Variants in TRAPPC9 observed in about 807,000 individuals in gnomAD.
TRAPPC9 encodes the protein IKK2 binding protein.
A neutral mutation model predicts 124.0 loss-of-function variants in TRAPPC9; 83 were observed. The ratio of observed to expected loss-of-function variants is 0.67; its 90% CI spans 0.56 to 0.80. TRAPPC9 has a LOEUF of 0.80. Among genes scored for constraint, TRAPPC9 ranks in the 30% least tolerant of loss-of-function variants. The pLI is 0.00. For synonymous variants in TRAPPC9, 638 were observed against 617.5 expected, an observed-to-expected ratio of 1.03 and a Z score of -0.49; for missense variants, 1,302 against 1,508.3, an observed-to-expected ratio of 0.86 and a Z score of 2.27.
chr8:140,050,137 A>C (rs892117615), intron 17 of TRAPPC9, among the ~76,000 whole-genome samples: 2 of 152,198 alleles, frequency 1.3e-5, no homozygotes, highest in South Asian at 2.1e-4. Context: ...GTCAGCCATG[A>C]GCTAGCGAGA....
intron 9 of TRAPPC9, among the ~76,000 whole-genome samples, chr8:140,330,410 G>T (rs2066865948): frequency 6.6e-6 from 1 of 152,148 alleles, no homozygotes; most frequent in Non-Finnish European, 1.5e-5. Flanking sequence ...AACAGAGTGT[G>T]GATTAACTTA....
chr8:140,318,629 T>C (rs542188010), intron 9 of TRAPPC9, among the ~76,000 whole-genome samples: 30 of 152,266 alleles, frequency 2.0e-4, no homozygotes, highest in Non-Finnish European at 3.8e-4. Context: ...ATACAGTATT[T>C]GTCTTTCTGT....
chr8:140,060,615 T>A (rs547458002), intron 17 of TRAPPC9, among the ~76,000 whole-genome samples: 151 of 128,528 alleles, frequency 1.2e-3, no homozygotes, highest in African/African-American at 3.8e-3. Context: ...TACCTGTTCC[T>A]ACCCATCCCT....
intron 5 of TRAPPC9, among the ~76,000 whole-genome samples, chr8:140,412,170 C>T (rs1254104767): frequency 1.3e-5 from 2 of 152,182 alleles, no homozygotes; most frequent in East Asian, 3.8e-4. Flanking sequence ...ACAAATGAAC[C>T]TCATGTGCCT....
intron 9 of TRAPPC9, among the ~76,000 whole-genome samples, chr8:140,321,606 A>G (rs2066597224): frequency 6.6e-6 from 1 of 152,164 alleles, no homozygotes; most frequent in East Asian, 1.9e-4. Context: ...CTGGCAGAGG[A>G]GCAAGAGAAG....
Position 140,221,524 on chromosome 8 carries a change from G to A in TRAPPC9, c.2491C>T (p.Arg831Ter), listed in dbSNP as rs373701249. The A allele has an allele frequency of 8.1e-6, 13 of 1,614,106 alleles. No homozygotes were observed. The Admixed American group carries it at 8.3e-5, about 10-fold the overall frequency. ...GGGTTCACAGGTTTGCCCTCCACTC[G>A]GGGCCGAACGACCTGCCGAAAAGGA... is the stretch of plus-strand genomic sequence containing the variant. ...SSPFRQVVRPRVEGKPVNPPE... is the reference protein window; with the variant it reads ...SSPFRQVVRP The change falls in exon 17 of 23, where the codon CGA becomes TGA. Residue 831 changes from arginine (R) to a stop codon, truncating the protein, a stop_gained. Coordinates refer to ENST00000438773, the MANE Select transcript of TRAPPC9 (RefSeq NM_001160372.4). LOFTEE classifies it high-confidence loss of function.
At chr8:140,108,962 T>C (rs2060715861) in intron 17 of TRAPPC9, among the ~76,000 whole-genome samples, 1 of 152,208 alleles carries the variant, frequency 6.6e-6, no homozygotes, top group African/African-American at 2.4e-5. Flanking sequence ...CCTTTTTACT[T>C]ACTGAAAAAC....
intron 21 of TRAPPC9, among the ~76,000 whole-genome samples, chr8:139,756,518 G>A (rs1395324232): frequency 5.0e-5 from 7 of 140,672 alleles, no homozygotes; most frequent in African/African-American, 8.2e-5. Context: ...GTTTGGGGAT[G>A]AGGACAGCAG....
intron 21 of TRAPPC9, among the ~76,000 whole-genome samples, chr8:139,785,382 G>A (rs1488199236): frequency 1.3e-5 from 2 of 152,156 alleles, no homozygotes; most frequent in Non-Finnish European, 2.9e-5. Flanking sequence ...TCTTAGATAC[G>A]ACACCAAAAG....
intron 17 of TRAPPC9, among the ~76,000 whole-genome samples, chr8:140,159,661 G>A (rs1351529721): frequency 6.6e-6 from 1 of 152,132 alleles, no homozygotes; most frequent in Non-Finnish European, 1.5e-5. Context: ...AAAGAAAATC[G>A]AGCATTACAT....
At chr8:139,746,264 G>A (rs78271980) in intron 21 of TRAPPC9, among the ~76,000 whole-genome samples, 3,331 of 152,300 alleles carry the variant, frequency 0.022, 122 homozygotes, top group African/African-American at 0.074. Context: ...GGAAGCCATC[G>A]CGTTTCCTCC....
chr8:140,127,121 T>G (rs1199542054), intron 17 of TRAPPC9, among the ~76,000 whole-genome samples: 1 of 152,110 alleles, frequency 6.6e-6, no homozygotes, highest in East Asian at 1.9e-4. Context: ...CTCTGGAAAT[T>G]AAGATGGTCA....
chr8:140,158,192 A>G (rs10112814), intron 17 of TRAPPC9, among the ~76,000 whole-genome samples: 8,291 of 152,252 alleles, frequency 0.054, 371 homozygotes, highest in African/African-American at 0.12. Context: ...CTCAAATATA[A>G]CCACATCCCA....
rs139112552 is a variant in TRAPPC9, at chr8:140,154,842, G to A, written c.2556+66617C>T. Among the ~76,000 whole-genome samples the A allele has an allele frequency of 6.5e-3, 985 of 152,352 alleles. 5 individuals carry two copies. The highest frequency in any genetic ancestry group is 0.01 in the Non-Finnish European group (687 of 68,034). On this transcript the variant is annotated intron_variant, in intron 17 of 22. Transcript: ENST00000438773. Reference sequence around the variant, plus strand: ...GTCCCTATTGTCCAGCACATGGCTGGCACAGAGAAGGCACTCAATAAAGTA... The same window carrying A: ...GTCCCTATTGTCCAGCACATGGCTGACACAGAGAAGGCACTCAATAAAGTA...
At position 140,023,962 on chromosome 8, in the gene TRAPPC9, G is replaced by C. The variant is rs200653966; in HGVS notation, c.2674C>G (p.Arg892Gly). ...CTGGTTGCTGGGAGGGTGCTGACTC[G>C]GGTGAAAAATACAGACGGCTCGACT... ...VEVEPSVFFTRVSTLPATSTR... is the reference protein window; with the variant it reads ...VEVEPSVFFTGVSTLPATSTR... Residue 892 changes from arginine (R) to glycine (G), a missense_variant, in exon 18 of 23, where the codon CGA becomes GGA. Transcript: ENST00000438773. The C allele has an allele frequency of 1.2e-6, 2 of 1,614,066 alleles. No individual in the cohort carries two copies. Among genetic ancestry groups the C allele is most frequent in the Admixed American group, 1.7e-5 (1 of 60,016 alleles).
intron 13 of TRAPPC9, among the ~76,000 whole-genome samples, chr8:140,286,412 A>C (rs1490507431): frequency 1.3e-5 from 2 of 152,202 alleles, no homozygotes; most frequent in Non-Finnish European, 2.9e-5. Context: ...TCGCCGGGCC[A>C]CAGATGGGAG....
rs1157594088 is a variant in TRAPPC9 at position 140,405,613 on chromosome 8, A to G, written c.972T>C (p.Ile324=). The G allele has an allele frequency of 1.2e-6, 2 of 1,614,036 alleles. No individual in the cohort carries two copies. The change falls in exon 6 of 23, where the codon ATT becomes ATC. Residue 324 remains isoleucine, a synonymous_variant. Coordinates refer to ENST00000438773, the MANE Select transcript of TRAPPC9 (RefSeq NM_001160372.4). Reference sequence around the variant, plus strand: ...AGGAAATCGCCTCTTTATACTTGTCAATTATGTCTTCAGGGCTAAGGCAGT... The same window carrying G: ...AGGAAATCGCCTCTTTATACTTGTCGATTATGTCTTCAGGGCTAAGGCAGT... ...AKNCLSPEDI[I]DKYKEAISYY...
intron 19 of TRAPPC9, among the ~76,000 whole-genome samples, chr8:139,915,342 G>T (rs1430674825): frequency 1.3e-5 from 2 of 152,176 alleles, no homozygotes; most frequent in African/African-American, 4.8e-5. Context: ...CGCTTCCTGG[G>T]TTCAAGCGAT....
intron 22 of TRAPPC9, 35 bp downstream of exon 22, chr8:139,731,944 G>A: frequency 6.5e-7 from 1 of 1,545,626 alleles, no homozygotes; most frequent in Non-Finnish European, 8.8e-7. Context: ...CACATGGCCA[G>A]AGGCTCCCAG....
Sources: gnomAD v4.1 joint callset for allele counts (sites outside exome capture counted in the v4.1 genomes callset) on GRCh38, gnomAD v4.1.1 for gene constraint, MANE v1.5 for transcripts, NCBI Gene and HGNC (gene_info 2026-07-23, HGNC 2026-07-21) for gene names.